PSTPIP1: variants seen among roughly 807,000 people sequenced by gnomAD.
The protein encoded by PSTPIP1 is proline-serine-threonine phosphatase interacting protein 1.
A neutral mutation model predicts 69.6 loss-of-function variants in PSTPIP1; 66 were observed. That is an observed-to-expected ratio of 0.95 (90% CI 0.78 to 1.16). PSTPIP1 has a LOEUF of 1.16. Among genes scored for constraint, PSTPIP1 ranks in the 50% most tolerant of loss-of-function variants. The pLI, the probability that PSTPIP1 is intolerant of heterozygous loss-of-function variation, is 0.00. For synonymous variants in PSTPIP1, 266 were observed against 222.7 expected (o/e 1.19, Z -1.73); for missense variants, 603 against 557.4 (o/e 1.08, Z -0.82).
At position 77,035,213 on chromosome 15, in the gene PSTPIP1, C is replaced by T. The variant is rs114457774; in HGVS notation, c.930-295C>T. Among the ~76,000 whole-genome samples, 484 of 152,310 alleles carry T rather than the reference C, an allele frequency of 3.2e-3. 3 individuals carry two copies. The highest frequency in any genetic ancestry group is 0.01 in the African/African-American group (433 of 41,572). On this transcript the variant is annotated intron_variant, in intron 12 of 14. Transcript: ENST00000558012. ...GAGTCTTCCAATGAAGCTACAGCTT[C>T]GGGGGTTCTAGGATCCTCCCAAGGG...
At chr15:77,005,259 G>A (rs1332015583) in intron 1 of PSTPIP1, among the ~76,000 whole-genome samples, 1 of 152,136 alleles carries the variant, frequency 6.6e-6, no homozygotes, top group Non-Finnish European at 1.5e-5. Flanking sequence ...GGTGGTGCAT[G>A]CCTGTAATCC....
chr15:77,023,390 G>A (rs749494132), intron 3 of PSTPIP1, among the ~76,000 whole-genome samples: 5 of 152,198 alleles, frequency 3.3e-5, no homozygotes, highest in South Asian at 2.1e-4. Flanking sequence ...TGGAAGCAAC[G>A]GGCGGAGGGG....
At position 77,027,993 on chromosome 15, in the gene PSTPIP1, C is replaced by T. The variant is rs1568512882; in HGVS notation, c.417+79C>T. ...CAGGGTGCGATCCTGGGCTGTGGCC[C>T]CGGGCAGGGCATTTGGAACAGGCTG... On this transcript the variant is annotated intron_variant, in intron 6 of 14. Coordinates refer to ENST00000558012, the MANE Select transcript of PSTPIP1 (RefSeq NM_003978.5). The surrounding 1 kb of genome is among the most constrained non-coding windows in gnomAD (Gnocchi z 4.3). The T allele has an allele frequency of 7.7e-7, 1 of 1,297,558 alleles. No individual in the cohort carries two copies. Among genetic ancestry groups the T allele is most frequent in the Non-Finnish European group, 1.1e-6 (1 of 920,052 alleles). 80.4% of individuals were successfully genotyped at this position (1,297,558 alleles called of 1,614,324 possible). A position where few individuals can be genotyped will look rare whatever the true frequency, so the allele number is the denominator to read the frequency against.
At chr15:77,035,068 C>A (rs973996018) in intron 12 of PSTPIP1, among the ~76,000 whole-genome samples, 4 of 152,234 alleles carry the variant, frequency 2.6e-5, no homozygotes, top group African/African-American at 4.8e-5. Context: ...GTGCACCCCC[C>A]ACCCCTACCC....
intron 9 of PSTPIP1, 43 bp downstream of exon 9, chr15:77,030,624 T>C (rs1452829976): frequency 6.5e-7 from 1 of 1,548,532 alleles, no homozygotes; most frequent in South Asian, 1.2e-5. Flanking sequence ...AGCTGGGAAG[T>C]GTGAGACGCC....
At chr15:77,001,028 G>T (rs2075697138) in intron 1 of PSTPIP1, among the ~76,000 whole-genome samples, 2 of 152,070 alleles carry the variant, frequency 1.3e-5, no homozygotes, top group African/African-American at 4.8e-5. Context: ...TGTGGACATG[G>T]GTTCCTCATT....
intron 1 of PSTPIP1, among the ~76,000 whole-genome samples, chr15:76,998,758 C>T (rs538367365): frequency 2.7e-4 from 41 of 152,252 alleles, no homozygotes; most frequent in African/African-American, 9.4e-4. Context: ...GTCCCTCAGT[C>T]GGCCTGTTTT....
At chr15:77,032,601 G>A in intron 11 of PSTPIP1, 1 of 632,974 alleles carries the variant, frequency 1.6e-6, no homozygotes, top group Non-Finnish European at 2.8e-6. Flanking sequence ...GCACTCAGAG[G>A]AAGAGGTGGG....
intron 1 of PSTPIP1, among the ~76,000 whole-genome samples, chr15:77,006,811 C>T (rs2075823177): frequency 6.6e-6 from 1 of 152,162 alleles, no homozygotes; most frequent in Non-Finnish European, 1.5e-5. Flanking sequence ...ATATGTCTGT[C>T]CTTATGACAC....
At chr15:76,994,848 G>T, upstream of PSTPIP1, 1 of 1,289,110 alleles carries the variant, frequency 7.8e-7, no homozygotes, top group Non-Finnish European at 1.0e-6. Context: ...GCTAGTGCGG[G>T]GTGGGGAGTC....
rs2075546414 is a variant in PSTPIP1, at chr15:76,995,173, G to T, written c.-401G>T. Reference sequence around the variant, plus strand: ...GGCTGCCTGCCTGCCTGCCTGCCTGGCCCGGCCCGAGCTCCAGCCTGCCTC... The same window carrying T: ...GGCTGCCTGCCTGCCTGCCTGCCTGTCCCGGCCCGAGCTCCAGCCTGCCTC... On this transcript the variant is annotated 5_prime_UTR_variant, in exon 1 of 15. Coordinates refer to ENST00000558012, the MANE Select transcript of PSTPIP1 (RefSeq NM_003978.5). 9.8e-6 allele frequency: 9 copies of T among 919,542 alleles called. No homozygotes were observed. In the South Asian group the frequency reaches 1.5e-4, roughly 16 times the overall value. The allele number at this position is 919,542 out of a possible 1,614,324, so 57.0% of individuals were successfully genotyped here. A position where few individuals can be genotyped will look rare whatever the true frequency, so the allele number is the denominator to read the frequency against.
At chr15:77,011,712 G>C (rs962130340) in intron 1 of PSTPIP1, among the ~76,000 whole-genome samples, 1 of 152,020 alleles carries the variant, frequency 6.6e-6, no homozygotes, top group Non-Finnish European at 1.5e-5. Flanking sequence ...TTGAGTCAGG[G>C]GACCCCTAGA....
chr15:77,028,690 C>T (rs1385999779), intron 7 of PSTPIP1, 38 bp downstream of exon 7: 1 of 1,479,076 alleles, frequency 6.8e-7, no homozygotes, highest in South Asian at 1.3e-5. Flanking sequence ...TCGCCCAGGG[C>T]TGGGGGCAGT....
chr15:77,035,682 G>T, intron 13 of PSTPIP1, 119 bp downstream of exon 13: 1 of 1,473,458 alleles, frequency 6.8e-7, no homozygotes, highest in South Asian at 1.2e-5. Flanking sequence ...TCCCCCAACA[G>T]CAAGTGTGGA....
In PSTPIP1 at chr15:77,031,319, C is replaced by T. The variant is rs3812916; in HGVS notation, c.741+41C>T. 34,765 of 1,592,018 alleles carry T rather than the reference C, an allele frequency of 0.022. 785 individuals are homozygous for T. The highest frequency in any genetic ancestry group is 0.1 in the African/African-American group (7,537 of 74,490). ...CTTGGTGTGGGGTAAGGTAGGGCAG[C>T]CTCTAGGCAGCAAAGCACCCAGGTC... On this transcript the variant is annotated intron_variant, in intron 10 of 14. Transcript: ENST00000558012.
rs1191640172 is a variant in PSTPIP1, at chr15:76,995,433, C to T, written c.-141C>T. 2 of 1,526,878 alleles carry T rather than the reference C, an allele frequency of 1.3e-6. No homozygotes were observed. The highest frequency in any genetic ancestry group is 1.8e-6 in the Non-Finnish European group (2 of 1,140,280). 94.6% of individuals were successfully genotyped at this position (1,526,878 alleles called of 1,614,324 possible). A position where few individuals can be genotyped will look rare whatever the true frequency, so the allele number is the denominator to read the frequency against. On this transcript the variant is annotated 5_prime_UTR_variant, in exon 1 of 15. Coordinates refer to ENST00000558012, the MANE Select transcript of PSTPIP1 (RefSeq NM_003978.5). Reference sequence around the variant, plus strand: ...CTCCTCTCTGGCTCGTGGCTGCCTTCTGAGTGTTGCAGACGGCGCCGGCCG... The same window carrying T: ...CTCCTCTCTGGCTCGTGGCTGCCTTTTGAGTGTTGCAGACGGCGCCGGCCG...
At chr15:77,004,243 A>G (rs1261816350) in intron 1 of PSTPIP1, among the ~76,000 whole-genome samples, 2 of 152,110 alleles carry the variant, frequency 1.3e-5, no homozygotes, top group Non-Finnish European at 2.9e-5. Context: ...AGTTAATGGG[A>G]GGGTGTGTTG....
chr15:77,037,372 C>A lies in PSTPIP1; in HGVS notation c.*196C>A. 1 of 664,392 alleles carries A rather than the reference C, an allele frequency of 1.5e-6. No homozygotes were observed. The highest frequency in any genetic ancestry group is 2.4e-6 in the Non-Finnish European group (1 of 422,336). The allele number at this position is 664,392 out of a possible 1,614,324, so 41.2% of individuals were successfully genotyped here. A position where few individuals can be genotyped will look rare whatever the true frequency, so the allele number is the denominator to read the frequency against. On this transcript the variant is annotated 3_prime_UTR_variant, in exon 15 of 15. Coordinates refer to ENST00000558012, the MANE Select transcript of PSTPIP1 (RefSeq NM_003978.5). ...GTCCCGTTCTCTTTTTCTCCTGCTCCAGTGTCCGAGTGCTCAGTTCAGAGG... is the reference window on the plus strand; with the variant it reads ...GTCCCGTTCTCTTTTTCTCCTGCTCAAGTGTCCGAGTGCTCAGTTCAGAGG...
chr15:76,996,937 G>A (rs2075593360), intron 1 of PSTPIP1, among the ~76,000 whole-genome samples: 1 of 152,160 alleles, frequency 6.6e-6, no homozygotes, highest in Non-Finnish European at 1.5e-5. Context: ...GAAGGGGTAG[G>A]GCCTGGAAAC....
Sources: gnomAD v4.1 joint callset for allele counts (sites outside exome capture counted in the v4.1 genomes callset) on GRCh38, gnomAD v4.1.1 for gene constraint, Gnocchi (gnomAD v3.1) non-coding constraint, MANE v1.5 for transcripts, NCBI Gene and HGNC (gene_info 2026-07-23, HGNC 2026-07-21) for gene names.